The following DNAH14 variants were observed in gnomAD, a reference collection of about 807,000 sequenced individuals.
The protein encoded by DNAH14 is dynein axonemal heavy chain 14.
DNAH14 carries 478 observed loss-of-function variants against 520.9 expected under a neutral mutation model. The ratio of observed to expected loss-of-function variants is 0.92; its 90% CI spans 0.85 to 0.99. DNAH14 has a LOEUF of 0.99. DNAH14 is among the 50% of genes least tolerant of loss of function. The pLI is 0.00. For synonymous variants in DNAH14, 1,581 were observed against 1,757.2 expected, an observed-to-expected ratio of 0.90 and a Z score of 2.51; for missense variants, 4,831 against 5,234.5, an observed-to-expected ratio of 0.92 and a Z score of 2.38.
At position 224,967,792 on chromosome 1, in the gene DNAH14, TTAATA is replaced by T. The variant is rs2061278843; in HGVS notation, c.651+210_651+214del. ...GAGATTTAGGTTTGAAGATTCAACT[TTAATA>T]AATTTTTTCATCTATCAAATACTTT... On this transcript the variant is annotated intron_variant, in intron 6 of 85. Transcript: ENST00000682510. 16 of 1,424,490 alleles carry T rather than the reference TTAATA, an allele frequency of 1.1e-5. No homozygotes were observed. The East Asian group carries it at 4.1e-4, about 37-fold the overall frequency. The allele number at this position is 1,424,490 out of a possible 1,614,324, so 88.2% of individuals were successfully genotyped here. A position where few individuals can be genotyped will look rare whatever the true frequency, so the allele number is the denominator to read the frequency against.
intron 9 of DNAH14, among the ~76,000 whole-genome samples, chr1:225,004,782 G>A (rs906365040): frequency 2.6e-5 from 4 of 152,152 alleles, no homozygotes; most frequent in Non-Finnish European, 5.9e-5. Flanking sequence ...GTTATGCATA[G>A]CCCAGGGATG....
Position 224,952,769 on chromosome 1 carries a change from A to G in DNAH14, c.67A>G (p.Thr23Ala), listed in dbSNP as rs201634729. The G allele has an allele frequency of 7.5e-6, 12 of 1,597,798 alleles. No individual in the cohort carries two copies. The African/African-American group carries it at 1.1e-4, about 14-fold the overall frequency. ...NQEMDKEETK[T>A]KPRLLRYEEK... ...AGAGATGGACAAGGAGGAAACCAAG[A>G]CAAAACCAAGGTAAAAGTAAGATAA... The change falls in exon 2 of 86, where the codon ACA becomes GCA. Residue 23 changes from threonine to alanine, a missense_variant. Thr to Ala is a moderately conservative substitution (Grantham distance 58, BLOSUM62 0). Transcript: ENST00000682510.
intron 27 of DNAH14, among the ~76,000 whole-genome samples, chr1:225,125,726 TA>T (rs1361865563): frequency 6.6e-6 from 1 of 152,072 alleles, no homozygotes. Flanking sequence ...TTCACAGGAG[TA>T]GCACTTTTAA....
intron 29 of DNAH14, among the ~76,000 whole-genome samples, chr1:225,144,875 T>C (rs765065016): frequency 6.6e-6 from 1 of 151,090 alleles, no homozygotes; most frequent in Non-Finnish European, 1.5e-5. Flanking sequence ...CTGACTAACA[T>C]GTGAATGATT....
intron 23 of DNAH14, among the ~76,000 whole-genome samples, chr1:225,102,064 C>T (rs1227106767): frequency 1.5e-5 from 2 of 135,740 alleles, no homozygotes; most frequent in African/African-American, 5.5e-5. Flanking sequence ...ACAACAGGCC[C>T]GGTGTATGAT....
chr1:225,380,422 A>G, intron 80 of DNAH14, 100 bp downstream of exon 80: 1 of 1,308,072 alleles, frequency 7.6e-7, no homozygotes, highest in Non-Finnish European at 1.0e-6. Context: ...ATTCTGTAGA[A>G]GTGAAAATAC....
intron 33 of DNAH14, 139 bp downstream of exon 33, chr1:225,153,022 C>G: frequency 1.1e-6 from 1 of 906,730 alleles, no homozygotes; most frequent in Non-Finnish European, 1.6e-6. Flanking sequence ...AATAATGGAG[C>G]TAGAATTTCC....
At chr1:225,080,121 G>A (rs2072941218) in intron 18 of DNAH14, among the ~76,000 whole-genome samples, 1 of 152,176 alleles carries the variant, frequency 6.6e-6, no homozygotes, top group African/African-American at 2.4e-5. Flanking sequence ...GCAACAAACA[G>A]CAGCATGGCT....
chr1:225,054,802 C>T (rs2068869674), intron 17 of DNAH14, among the ~76,000 whole-genome samples: 1 of 151,990 alleles, frequency 6.6e-6, no homozygotes, highest in African/African-American at 2.4e-5. Context: ...TGTATATTTG[C>T]CAAGTTAATT....
intron 43 of DNAH14, among the ~76,000 whole-genome samples, chr1:225,251,212 C>A (rs879388780): frequency 2.7e-5 from 4 of 148,716 alleles, no homozygotes; most frequent in Non-Finnish European, 5.9e-5. Flanking sequence ...TTGCTCTTGT[C>A]ACCCAGGCTA....
rs1445471054 is a variant in DNAH14 at position 225,324,820 on chromosome 1, A to G, written c.9711A>G (p.Arg3237=). ...GACAAAGACTTGCTGAGAAACAAAGAGGTTTACAGCTGGTAAGAAATACAG... is the reference window on the plus strand; with the variant it reads ...GACAAAGACTTGCTGAGAAACAAAGGGGTTTACAGCTGGTAAGAAATACAG... ...IARQRLAEKQ[R]GLQLVEEHLL... The change falls in exon 64 of 86, where the codon AGA becomes AGG. Residue 3237 remains arginine, a synonymous_variant. Transcript: ENST00000682510. 1 of 1,551,196 alleles carries G rather than the reference A, an allele frequency of 6.4e-7. No individual in the cohort carries two copies. The highest frequency in any genetic ancestry group is 1.4e-5 in the African/African-American group (1 of 73,028).
At chr1:225,342,887 C>T (rs1012988615) in intron 69 of DNAH14, among the ~76,000 whole-genome samples, 13 of 151,700 alleles carry the variant, frequency 8.6e-5, no homozygotes, top group African/African-American at 2.2e-4. Context: ...CCTCTTGCCC[C>T]TCCTCTTGGC....
At chr1:224,998,004 T>C (rs1402024603) in intron 8 of DNAH14, among the ~76,000 whole-genome samples, 1 of 152,156 alleles carries the variant, frequency 6.6e-6, no homozygotes, top group Non-Finnish European at 1.5e-5. Context: ...TGTTTCACAT[T>C]GGGTGAGTTG....
At chr1:225,395,155 T>C (rs983051874) in intron 84 of DNAH14, among the ~76,000 whole-genome samples, 1 of 152,200 alleles carries the variant, frequency 6.6e-6, no homozygotes, top group Non-Finnish European at 1.5e-5. Context: ...CTAAATGTGA[T>C]GAGAGAGCTT....
rs921037777 is a variant in DNAH14, at chr1:225,264,208, A to C, written c.7169A>C (p.Gln2390Pro). ...SEIKKSSSLK[Q>P]NITILIPETH... Reference sequence around the variant, plus strand: ...ATATTTCATTCCAGTAGCCTAAAACAGAATATCACCATCTTGATTCCTGAA... The same window carrying C: ...ATATTTCATTCCAGTAGCCTAAAACCGAATATCACCATCTTGATTCCTGAA... The change falls in exon 47 of 86, where the codon CAG (glutamine) becomes CCG (proline). Residue 2390 changes from glutamine (Q) to proline (P), a missense_variant. Transcript: ENST00000682510. 1.3e-6 allele frequency: 2 copies of C among 1,549,906 alleles called. No homozygotes were observed. The highest frequency in any genetic ancestry group is 2.7e-5 in the African/African-American group (2 of 73,006).
intron 34 of DNAH14, 36 bp downstream of exon 34, chr1:225,153,862 T>A (rs1211708601): frequency 1.4e-6 from 2 of 1,449,868 alleles, no homozygotes; most frequent in Non-Finnish European, 1.9e-6. Flanking sequence ...TCAAAGGGAG[T>A]TATATACTGC....
chr1:225,027,550 T>A (rs2066212949), intron 11 of DNAH14, among the ~76,000 whole-genome samples: 1 of 152,104 alleles, frequency 6.6e-6, no homozygotes, highest in Non-Finnish European at 1.5e-5. Flanking sequence ...CTGGGAGGCC[T>A]CAGGAAACTT....
chr1:225,345,878 C>A (rs777083252), intron 69 of DNAH14, 84 bp from the exon 70 acceptor site: 2 of 1,207,828 alleles, frequency 1.7e-6, no homozygotes, highest in African/African-American at 3.1e-5. Context: ...AGTACAAACC[C>A]TTACACAAAG....
chr1:224,967,138 C>T (rs1031743715), intron 5 of DNAH14, among the ~76,000 whole-genome samples: 3 of 152,012 alleles, frequency 2.0e-5, no homozygotes, highest in African/African-American at 7.2e-5. Context: ...GGTATGTCAT[C>T]AAGTTCTTTG....
Sources: gnomAD v4.1 joint callset for allele counts (sites outside exome capture counted in the v4.1 genomes callset) on GRCh38, gnomAD v4.1.1 for gene constraint, MANE v1.5 for transcripts, NCBI Gene and HGNC (gene_info 2026-07-23, HGNC 2026-07-21) for gene names.